Variants in PRKG1 observed in about 807,000 individuals in gnomAD.
PRKG1 encodes the protein cGMP-dependent protein kinase 1.
A neutral mutation model predicts 88.1 loss-of-function variants in PRKG1; 35 were observed. That is an observed-to-expected ratio of 0.40 (90% CI 0.30 to 0.53). The LOEUF (loss-of-function observed/expected upper bound fraction) is 0.53, where lower values mean the gene tolerates loss of function less well. Among genes scored for constraint, PRKG1 ranks in the 20% least tolerant of loss-of-function variants. The probability of loss-of-function intolerance (pLI) is 0.59; values close to 1 mark genes in which losing one functional copy is unlikely to be tolerated. For synonymous variants in PRKG1, 303 were observed against 292.5 expected (o/e 1.04, Z -0.37); for missense variants, 540 against 839.8 (o/e 0.64, Z 4.41).
chr10:51,516,969 AG>A (rs1307015421), intron 3 of PRKG1, among the ~76,000 whole-genome samples: 1 of 152,198 alleles, frequency 6.6e-6, no homozygotes, highest in African/African-American at 2.4e-5. Flanking sequence ...TTTTATAGAA[AG>A]GAGAATCACA....
intron 2 of PRKG1, among the ~76,000 whole-genome samples, chr10:51,290,252 A>T (rs1360383611): frequency 6.6e-6 from 1 of 151,852 alleles, no homozygotes; most frequent in East Asian, 1.9e-4. Flanking sequence ...AAAACAAACA[A>T]AAAAAAAGAC....
At chr10:51,210,746 T>C (rs916832221) in intron 2 of PRKG1, among the ~76,000 whole-genome samples, 2 of 151,840 alleles carry the variant, frequency 1.3e-5, no homozygotes, top group African/African-American at 4.8e-5. Flanking sequence ...ACACATACAG[T>C]CTCCCAAGAC....
intron 2 of PRKG1, among the ~76,000 whole-genome samples, chr10:51,203,908 T>C (rs1240527888): frequency 1.3e-5 from 2 of 152,212 alleles, no homozygotes; most frequent in Non-Finnish European, 2.9e-5. Flanking sequence ...TTCATTAAAG[T>C]CTCTCATATG....
At chr10:51,660,446 A>G (rs992877653) in intron 3 of PRKG1, among the ~76,000 whole-genome samples, 6 of 145,968 alleles carry the variant, frequency 4.1e-5, no homozygotes, top group Non-Finnish European at 7.6e-5. Context: ...TTTTGGGCAG[A>G]AAAAAAAAAA....
Position 50,991,195 on chromosome 10 carries a change from A to G in PRKG1, c.-184A>G, listed in dbSNP as rs922056627. ...CGGTGCTTTTAGTCCATTCAGCAGAAGCGGATCGAAGCAGGAGGCTCCCCG... is the reference window on the plus strand; with the variant it reads ...CGGTGCTTTTAGTCCATTCAGCAGAGGCGGATCGAAGCAGGAGGCTCCCCG... On this transcript the variant is annotated 5_prime_UTR_variant, in exon 1 of 18. Transcript: ENST00000401604. This position sits in a 1 kb window ranked among gnomAD's most constrained non-coding sequence, Gnocchi z 4.5. The G allele has an allele frequency of 3.8e-6, 3 of 790,188 alleles. No homozygotes were observed. Among genetic ancestry groups the G allele is most frequent in the Non-Finnish European group, 5.7e-6 (3 of 526,966 alleles). 48.9% of individuals were successfully genotyped at this position (790,188 alleles called of 1,614,324 possible). A position where few individuals can be genotyped will look rare whatever the true frequency, so the allele number is the denominator to read the frequency against.
At chr10:52,100,689 G>A (rs768414377) in intron 7 of PRKG1, among the ~76,000 whole-genome samples, 2 of 152,164 alleles carry the variant, frequency 1.3e-5, no homozygotes, top group African/African-American at 2.4e-5. Context: ...TGGTCAAAAC[G>A]AGAGCCTTTA....
chr10:51,313,473 T>C (rs1841243257), intron 2 of PRKG1, among the ~76,000 whole-genome samples: 1 of 152,192 alleles, frequency 6.6e-6, no homozygotes, highest in Admixed American at 6.5e-5. Flanking sequence ...TTAGACCTCA[T>C]TATCTGTCCT....
At chr10:51,733,070 A>G (rs1395302398) in intron 3 of PRKG1, among the ~76,000 whole-genome samples, 1 of 151,820 alleles carries the variant, frequency 6.6e-6, no homozygotes, top group East Asian at 1.9e-4. Flanking sequence ...ATAAACAACA[A>G]CAACAAAAAA....
intron 9 of PRKG1, among the ~76,000 whole-genome samples, chr10:52,239,306 A>C (rs1840783238): frequency 6.8e-6 from 1 of 146,584 alleles, no homozygotes; most frequent in Non-Finnish European, 1.5e-5. Flanking sequence ...ATGTACCCTA[A>C]AACTTAAAGT....
chr10:51,255,314 A>G (rs1486367798), intron 2 of PRKG1, among the ~76,000 whole-genome samples: 2 of 152,108 alleles, frequency 1.3e-5, no homozygotes, highest in East Asian at 3.9e-4. Context: ...TTGTAGTAAA[A>G]GAAATCATTT....
At chr10:51,356,300 C>T (rs1284801652) in intron 2 of PRKG1, among the ~76,000 whole-genome samples, 3 of 151,926 alleles carry the variant, frequency 2.0e-5, no homozygotes, top group Non-Finnish European at 2.9e-5. Context: ...TGTAATGTCA[C>T]TGCTCTGATT....
chr10:51,542,616 G>A (rs1285442784), intron 3 of PRKG1, among the ~76,000 whole-genome samples: 1 of 152,138 alleles, frequency 6.6e-6, no homozygotes, highest in African/African-American at 2.4e-5. Flanking sequence ...TGAGGCTGGA[G>A]CTCTGGTTCA....
intron 3 of PRKG1, among the ~76,000 whole-genome samples, chr10:51,762,444 C>A (rs1295754904): frequency 6.6e-6 from 1 of 152,124 alleles, no homozygotes; most frequent in African/African-American, 2.4e-5. Flanking sequence ...AAACATTCAA[C>A]TATTAGTTGA....
At chr10:51,300,433 A>C (rs1840852620) in intron 2 of PRKG1, among the ~76,000 whole-genome samples, 2 of 152,154 alleles carry the variant, frequency 1.3e-5, no homozygotes, top group African/African-American at 4.8e-5. Context: ...TACTGTATTT[A>C]ATGATTTTTT....
rs1491486598 is a variant in PRKG1, at chr10:51,204,366, CCG to C, written c.478+51037_478+51038del. On this transcript the variant is annotated intron_variant, in intron 2 of 17. Coordinates refer to ENST00000373980, the MANE Select transcript of PRKG1 (RefSeq NM_006258.4). ...TTATTTAGATTATTTGAGTAGACCTCCGTGTGTGTGTGTGTGTGTGTGTGTGT... is the reference window on the plus strand; with the variant it reads ...TTATTTAGATTATTTGAGTAGACCTCTGTGTGTGTGTGTGTGTGTGTGTGT... Among the ~76,000 whole-genome samples the C allele has an allele frequency of 3.5e-4, 41 of 118,296 alleles. 1 individual carries two copies. Among genetic ancestry groups the C allele is most frequent in the Non-Finnish European group, 3.0e-4 (18 of 59,100 alleles). The allele number at this position is 118,296 out of a possible 152,430, so 77.6% of individuals were successfully genotyped here. A position where few individuals can be genotyped will look rare whatever the true frequency, so the allele number is the denominator to read the frequency against.
At chr10:51,255,685 C>T (rs1839539326) in intron 2 of PRKG1, among the ~76,000 whole-genome samples, 1 of 151,980 alleles carries the variant, frequency 6.6e-6, no homozygotes, top group African/African-American at 2.4e-5. Context: ...GAGGAAGTAA[C>T]TTCCCAGGTG....
intron 5 of PRKG1, among the ~76,000 whole-genome samples, chr10:52,016,840 C>T (rs1194236229): frequency 6.6e-6 from 1 of 151,876 alleles, no homozygotes; most frequent in Non-Finnish European, 1.5e-5. Flanking sequence ...AATAACAGAA[C>T]AAGGTAAAAT....
At position 51,641,716 on chromosome 10, in the gene PRKG1, A is replaced by G. The variant is rs565804874; in HGVS notation, c.593-162869A>G. Reference sequence around the variant, plus strand: ...ACCAGTCTAATAGCTATACTGGCTCACTGCTAACCTCCCACCATCTTTTGT... The same window carrying G: ...ACCAGTCTAATAGCTATACTGGCTCGCTGCTAACCTCCCACCATCTTTTGT... On this transcript the variant is annotated intron_variant, in intron 3 of 17. Transcript: ENST00000373980. Among the ~76,000 whole-genome samples the G allele has an allele frequency of 2.0e-5, 3 of 152,292 alleles. No individual in the cohort carries two copies. In the South Asian group the frequency reaches 6.2e-4, roughly 32 times the overall value.
intron 3 of PRKG1, among the ~76,000 whole-genome samples, chr10:51,718,949 C>G (rs113870032): frequency 4.3e-4 from 65 of 152,014 alleles, no homozygotes; most frequent in African/African-American, 1.5e-3. Flanking sequence ...AAGTTTGAGA[C>G]CAGATTAAAT....
Sources: gnomAD v4.1 joint callset for allele counts (sites outside exome capture counted in the v4.1 genomes callset) on GRCh38, gnomAD v4.1.1 for gene constraint, Gnocchi (gnomAD v3.1) non-coding constraint, MANE v1.5 for transcripts, NCBI Gene and HGNC (gene_info 2026-07-23, HGNC 2026-07-21) for gene names.